CD200R1: variants seen among roughly 807,000 people sequenced by gnomAD.
CD200R1 encodes CD200 receptor 1.
Under a neutral mutation model 38.1 loss-of-function variants are expected in CD200R1, and 30 were observed. That is an observed-to-expected ratio of 0.79 (90% confidence interval 0.59 to 1.07). The LOEUF is 1.07. Ranked by LOEUF, CD200R1 falls within the 50% of genes least tolerant of loss-of-function variation. The pLI, the probability that CD200R1 is intolerant of heterozygous loss-of-function variation, is 0.00. For synonymous variants in CD200R1, 128 were observed against 152.1 expected (o/e 0.84, Z 1.16); for missense variants, 372 against 415.4 (o/e 0.90, Z 0.91).
Position 112,966,355 on chromosome 3 carries a change from T to G in CD200R1, c.67+8436A>C, listed in dbSNP as rs184131823. Reference sequence around the variant, plus strand: ...TTTAGGCTCTATAGGGAGTTCTGTCTGGCAACTACCTTAAAATCACTGGTT... The same window carrying G: ...TTTAGGCTCTATAGGGAGTTCTGTCGGGCAACTACCTTAAAATCACTGGTT... On this transcript the variant is annotated intron_variant, in intron 1 of 7. Transcript: ENST00000308611. Among the ~76,000 whole-genome samples the G allele has an allele frequency of 1.2e-3, 184 of 152,336 alleles. 1 individual carries two copies. The highest frequency in any genetic ancestry group is 3.4e-3 in the Middle Eastern group (1 of 294).
Position 112,932,786 on chromosome 3 carries a change from A to G in CD200R1, c.137-1615T>C, listed in dbSNP as rs140162956. ...TCCACTCCCAGTGGACATCCCCCCC[A>G]GGCCAGCCCAGCAGTCACATCCACG... On this transcript the variant is annotated intron_variant, in intron 2 of 7. Coordinates refer to ENST00000308611, the MANE Select transcript of CD200R1 (RefSeq NM_138806.4). Among the ~76,000 whole-genome samples the G allele has an allele frequency of 6.2e-3, 941 of 152,122 alleles. 9 individuals carry two copies. Among genetic ancestry groups the G allele is most frequent in the African/African-American group, 0.021 (882 of 41,496 alleles).
At chr3:112,926,942 G>T (rs1442121734) in intron 5 of CD200R1, among the ~76,000 whole-genome samples, 1 of 152,112 alleles carries the variant, frequency 6.6e-6, no homozygotes, top group African/African-American at 2.4e-5. Flanking sequence ...GAAAACTCTA[G>T]AGTAGGAAGC....
chr3:112,961,201 C>T (rs561435286), intron 1 of CD200R1, among the ~76,000 whole-genome samples: 1 of 152,132 alleles, frequency 6.6e-6, no homozygotes, highest in East Asian at 1.9e-4. Context: ...ACTTTCTAAA[C>T]CCTAGTTGCT....
At chr3:112,956,093 A>T (rs1327591588) in intron 1 of CD200R1, among the ~76,000 whole-genome samples, 2 of 152,054 alleles carry the variant, frequency 1.3e-5, no homozygotes, top group East Asian at 3.9e-4. Flanking sequence ...TCCTTAAGTA[A>T]GTCTTCTATC....
At chr3:112,930,128 AAC>A (rs1940392154) in intron 3 of CD200R1, among the ~76,000 whole-genome samples, 1 of 149,812 alleles carries the variant, frequency 6.7e-6, no homozygotes, top group African/African-American at 2.5e-5. Context: ...AAAAAAAAAA[AAC>A]TATTATTCCA....
chr3:112,974,181 A>G (rs183125476), intron 1 of CD200R1, among the ~76,000 whole-genome samples: 11 of 152,280 alleles, frequency 7.2e-5, no homozygotes, highest in Admixed American at 7.2e-4. Context: ...CATGCCTGTA[A>G]TCCCAATGCT....
intron 1 of CD200R1, among the ~76,000 whole-genome samples, chr3:112,971,904 G>T (rs1387614107): frequency 6.6e-6 from 1 of 151,980 alleles, no homozygotes; most frequent in Admixed American, 6.6e-5. Context: ...GTCATTCAAA[G>T]CCTAGCTCAA....
chr3:112,930,107 A>C (rs1940390918), intron 3 of CD200R1, among the ~76,000 whole-genome samples: 1 of 122,032 alleles, frequency 8.2e-6, no homozygotes, highest in Admixed American at 8.3e-5. Flanking sequence ...AGTGAAACCC[A>C]CAGATCTTTA....
rs571958140 is a variant in CD200R1 at position 112,928,370 on chromosome 3, G to T, written c.769+446C>A. Among the ~76,000 whole-genome samples, 7 of 152,254 alleles carry T rather than the reference G, an allele frequency of 4.6e-5. No individual in the cohort carries two copies. The East Asian group carries it at 1.3e-3, about 29-fold the overall frequency. On this transcript the variant is annotated intron_variant, in intron 5 of 7. Transcript: ENST00000308611. Reference sequence around the variant, plus strand: ...TAAATAAACTAAACAGTGATTAAATGAATCATAGATGTTATTATAAGACAT... The same window carrying T: ...TAAATAAACTAAACAGTGATTAAATTAATCATAGATGTTATTATAAGACAT...
At chr3:112,947,367 C>A (rs62263756) in intron 2 of CD200R1, among the ~76,000 whole-genome samples, 13,739 of 152,032 alleles carry the variant, frequency 0.09, 810 homozygotes, top group Non-Finnish European at 0.12. Flanking sequence ...AATGGGGAGG[C>A]TTTGCACATG....
At chr3:112,968,369 GA>G (rs1427766229) in intron 1 of CD200R1, among the ~76,000 whole-genome samples, 1 of 152,158 alleles carries the variant, frequency 6.6e-6, no homozygotes, top group Non-Finnish European at 1.5e-5. Context: ...TATATTTGAA[GA>G]AAGTTTCACT....
chr3:112,974,957 A>C lies in CD200R1; in HGVS notation c.-100T>G. 4 of 893,588 alleles carry C rather than the reference A, an allele frequency of 4.5e-6. No individual in the cohort carries two copies. Among genetic ancestry groups the C allele is most frequent in the Non-Finnish European group, 5.5e-6 (3 of 545,486 alleles). The allele number at this position is 893,588 out of a possible 1,614,324, so 55.4% of individuals were successfully genotyped here. A position where few individuals can be genotyped will look rare whatever the true frequency, so the allele number is the denominator to read the frequency against. On this transcript the variant is annotated 5_prime_UTR_variant, in exon 1 of 8. Coordinates refer to ENST00000308611, the MANE Select transcript of CD200R1 (RefSeq NM_138806.4). ...TGAGACCCTCTCTGGTCAACTTCTC[A>C]GTACAGGATCCTCTTACCCCATCAA...
rs1466741082 is a variant in CD200R1 at position 112,922,951 on chromosome 3, T to C, written c.*726A>G. The stretch of plus-strand genomic sequence containing the variant: ...CCACTCAAGAAAGTTATCCTACAGA[T>C]ATACTCAAAAACAAAGAGATATATG... On this transcript the variant is annotated 3_prime_UTR_variant, in exon 8 of 8. Transcript: ENST00000308611. 1 of 151,946 alleles carries C rather than the reference T, an allele frequency of 6.6e-6. No individual in the cohort carries two copies. Among genetic ancestry groups the C allele is most frequent in the Non-Finnish European group, 1.5e-5 (1 of 67,884 alleles). The allele number at this position is 151,946 out of a possible 1,614,324, so 9.4% of individuals were successfully genotyped here.
chr3:112,947,943 A>T lies in CD200R1; in HGVS notation c.68-19T>A. The T allele has an allele frequency of 6.5e-7, 1 of 1,544,110 alleles. No individual in the cohort carries two copies. The highest frequency in any genetic ancestry group is 9.0e-7 in the Non-Finnish European group (1 of 1,116,408). On this transcript the variant is annotated intron_variant, in intron 1 of 7. Transcript: ENST00000308611. ...TCCGCTTCTGAATTTTGAAAAAGAC[A>T]TAGGGGGTAGAGAGAGAAATATGCA...
chr3:112,951,383 G>A (rs1008203947), intron 1 of CD200R1, among the ~76,000 whole-genome samples: 2 of 151,906 alleles, frequency 1.3e-5, no homozygotes, highest in Admixed American at 6.6e-5. Flanking sequence ...TATCAAATTG[G>A]CTACACTGAC....
chr3:112,963,093 G>T (rs1933064031), intron 1 of CD200R1, among the ~76,000 whole-genome samples: 1 of 152,170 alleles, frequency 6.6e-6, no homozygotes, highest in South Asian at 2.1e-4. Flanking sequence ...CATGTAAGAT[G>T]TGCCTTTCAC....
At chr3:112,934,822 C>A (rs1188899678) in intron 2 of CD200R1, among the ~76,000 whole-genome samples, 2 of 152,180 alleles carry the variant, frequency 1.3e-5, no homozygotes, top group Middle Eastern at 6.8e-3. Flanking sequence ...AAGAGCGAAA[C>A]TCCATCTCAA....
intron 1 of CD200R1, among the ~76,000 whole-genome samples, chr3:112,959,082 ACT>A (rs2107337369): frequency 6.6e-6 from 1 of 152,172 alleles, no homozygotes; most frequent in Non-Finnish European, 1.5e-5. Flanking sequence ...TGCATGCTCT[ACT>A]CTCTAAAAAA....
At chr3:112,933,729 A>C (rs1406339063) in intron 2 of CD200R1, among the ~76,000 whole-genome samples, 1 of 152,170 alleles carries the variant, frequency 6.6e-6, no homozygotes, top group Admixed American at 6.5e-5. Flanking sequence ...ACAGATAAAC[A>C]ATTCAATAAA....
Sources: allele counts gnomAD v4.1 joint callset (sites outside exome capture counted in the v4.1 genomes callset), GRCh38; gene constraint gnomAD v4.1.1; transcripts MANE v1.5; gene names NCBI Gene and HGNC (gene_info 2026-07-23, HGNC 2026-07-21).